The following GPC3 variants were observed in gnomAD, a reference collection of about 807,000 sequenced individuals.
GPC3 encodes the protein glypican-3.
GPC3 carries 3 observed loss-of-function variants against 34.4 expected under a neutral mutation model. That is an observed-to-expected ratio of 0.09 (90% CI 0.04 to 0.23). The LOEUF (loss-of-function observed/expected upper bound fraction) is 0.23. Among genes scored for constraint, GPC3 ranks in the 10% least tolerant of loss-of-function variants. The pLI, the probability that GPC3 is intolerant of heterozygous loss-of-function variation, is 1.00. For synonymous variants in GPC3, 177 were observed against 174.0 expected (o/e 1.02, Z -0.13); for missense variants, 351 against 445.6 (o/e 0.79, Z 1.91).
chrX:133,644,062 G>A (rs184076331), intron 6 of GPC3, among the ~76,000 whole-genome samples: 1,752 of 110,056 alleles, frequency 0.016, 31 homozygotes, highest in African/African-American at 0.055. Context: ...TCCTGACCTC[G>A]TGATCTGCCC....
At chrX:133,778,364 C>T (rs1437510295) in intron 2 of GPC3, among the ~76,000 whole-genome samples, 2 of 111,856 alleles carry the variant, frequency 1.8e-5, no homozygotes, top group Non-Finnish European at 3.8e-5. Context: ...CAGACAGCCC[C>T]CTTCTTTGGT....
intron 3 of GPC3, among the ~76,000 whole-genome samples, chrX:133,718,828 G>T (rs1603232293): frequency 9.0e-6 from 1 of 111,450 alleles, no homozygotes; most frequent in African/African-American, 3.3e-5. Flanking sequence ...ACCAGACTTT[G>T]AGACAAAACT....
At chrX:133,799,097 G>A (rs1322097168) in intron 2 of GPC3, among the ~76,000 whole-genome samples, 1 of 112,219 alleles carries the variant, frequency 8.9e-6, no homozygotes, top group Non-Finnish European at 1.9e-5. Flanking sequence ...ACAGTTGCAC[G>A]ATCCTGAAGT....
At chrX:133,594,828 A>G (rs1305604291) in intron 7 of GPC3, among the ~76,000 whole-genome samples, 1 of 110,736 alleles carries the variant, frequency 9.0e-6, no homozygotes, top group Non-Finnish European at 1.9e-5. Flanking sequence ...TGTACTGTAC[A>G]CTTAAAAGTT....
At chrX:133,703,589 T>A (rs1319674643) in intron 3 of GPC3, among the ~76,000 whole-genome samples, 1 of 109,390 alleles carries the variant, frequency 9.1e-6, no homozygotes, top group Non-Finnish European at 1.9e-5. Context: ...GCCTCCCGAG[T>A]AGCTGGGACT....
At chrX:133,821,983 G>T (rs2075721594) in intron 2 of GPC3, among the ~76,000 whole-genome samples, 1 of 111,655 alleles carries the variant, frequency 9.0e-6, no homozygotes, top group African/African-American at 3.3e-5. Flanking sequence ...TTTCTAAAGG[G>T]CATGCATAAA....
At chrX:133,651,297 G>T (rs751508945) in intron 6 of GPC3, among the ~76,000 whole-genome samples, 1 of 109,535 alleles carries the variant, frequency 9.1e-6, no homozygotes, top group Admixed American at 9.8e-5. Flanking sequence ...TCACTTCCAT[G>T]TCTCTCCCTC....
chrX:133,704,101 G>C (rs1160300402), intron 3 of GPC3: 1 of 388,680 alleles, frequency 2.6e-6, no homozygotes, highest in African/African-American at 2.6e-5. Flanking sequence ...AGATCATGCA[G>C]AGCCCAGTAG....
chrX:133,911,629 G>C (rs935271119), intron 2 of GPC3, among the ~76,000 whole-genome samples: 1 of 111,571 alleles, frequency 9.0e-6, no homozygotes, highest in South Asian at 3.8e-4. Flanking sequence ...ATAGATAACC[G>C]AAATTTCCCA....
chrX:133,547,457 G>A (rs1177986840), intron 7 of GPC3, among the ~76,000 whole-genome samples: 2 of 110,885 alleles, frequency 1.8e-5, no homozygotes, highest in Non-Finnish European at 3.8e-5. Context: ...GTCTGTGTGT[G>A]AATATACCTG....
chrX:133,721,885 A>T (rs1376551277), intron 3 of GPC3, among the ~76,000 whole-genome samples: 1 of 111,938 alleles, frequency 8.9e-6, no homozygotes, highest in African/African-American at 3.2e-5. Flanking sequence ...ATGTCCTCTT[A>T]GATATGACAA....
intron 2 of GPC3, among the ~76,000 whole-genome samples, chrX:133,938,346 C>T (rs777608793): frequency 2.3e-4 from 26 of 111,524 alleles, no homozygotes; most frequent in Non-Finnish European, 3.6e-4. Flanking sequence ...CAATTTATTC[C>T]AGAATCCGTT....
rs1313768500 is a variant in GPC3, at chrX:133,689,963, C to G, written c.1292+2406G>C. Among the ~76,000 whole-genome samples the G allele has an allele frequency of 3.6e-5, 4 of 111,670 alleles. No homozygotes were observed. The Admixed American group carries it at 3.8e-4, about 11-fold the overall frequency. On this transcript the variant is annotated intron_variant, in intron 5 of 7. Coordinates refer to ENST00000370818, the MANE Select transcript of GPC3 (RefSeq NM_004484.4). ...ATTGTTTGTATCAGTTTTAAAGCAT[C>G]AGCTTTTTATAAAGCCAAATACCAA...
At chrX:133,934,198 A>G (rs187632924) in intron 2 of GPC3, among the ~76,000 whole-genome samples, 1 of 104,680 alleles carries the variant, frequency 9.6e-6, no homozygotes, top group African/African-American at 3.5e-5. Context: ...TTTATTTATT[A>G]TTCTTATTCC....
At chrX:133,681,926 A>G (rs2070947873) in intron 5 of GPC3, among the ~76,000 whole-genome samples, 1 of 112,182 alleles carries the variant, frequency 8.9e-6, no homozygotes, top group African/African-American at 3.2e-5. Context: ...TTACCAGGGA[A>G]ACGTCAGGAC....
chrX:133,862,288 T>C (rs1187383582), intron 2 of GPC3, among the ~76,000 whole-genome samples: 6 of 110,198 alleles, frequency 5.4e-5, no homozygotes, highest in Admixed American at 9.7e-5. Context: ...GTTCAGCCAA[T>C]AGACCACATA....
chrX:133,715,727 A>C (rs1390595815), intron 3 of GPC3, among the ~76,000 whole-genome samples: 2 of 111,273 alleles, frequency 1.8e-5, no homozygotes, highest in African/African-American at 6.5e-5. Flanking sequence ...TAGGCTAACC[A>C]AAAAATTTTC....
chrX:133,670,554 T>G (rs765058650), intron 5 of GPC3, among the ~76,000 whole-genome samples: 1 of 112,175 alleles, frequency 8.9e-6, no homozygotes, highest in South Asian at 3.8e-4. Context: ...CAGCTATGTA[T>G]GGCTAAAAAT....
At chrX:133,736,772 T>C (rs1486655483) in intron 3 of GPC3, among the ~76,000 whole-genome samples, 1 of 111,766 alleles carries the variant, frequency 8.9e-6, no homozygotes, top group Non-Finnish European at 1.9e-5. Context: ...TAAGTTCCTT[T>C]TGGGGTGATG....
Sources: gnomAD v4.1 joint callset for allele counts (sites outside exome capture counted in the v4.1 genomes callset) on GRCh38, gnomAD v4.1.1 for gene constraint, MANE v1.5 for transcripts, NCBI Gene and HGNC (gene_info 2026-07-23, HGNC 2026-07-21) for gene names.